The following LPAR6 variants were observed in gnomAD, a reference collection of about 807,000 sequenced individuals.
LPAR6 encodes G-protein coupled purinergic receptor P2Y5.
Under a neutral mutation model 22.0 loss-of-function variants are expected in LPAR6, and 17 were observed. The ratio of observed to expected loss-of-function variants is 0.77; its 90% confidence interval spans 0.53 to 1.16. The LOEUF is 1.16. LPAR6 is among the 50% of genes most tolerant of loss of function. The pLI is 0.00. For missense variants in LPAR6, 384 were observed against 406.9 expected, an observed-to-expected ratio of 0.94 and a Z score of 0.48; for synonymous variants, 136 against 139.8, an observed-to-expected ratio of 0.97 and a Z score of 0.19.
chr13:48,408,759 T>C (rs1225672852), downstream of LPAR6: 1 of 152,318 alleles, frequency 6.6e-6, no homozygotes, highest in Admixed American at 6.5e-5. Flanking sequence ...TTTTGATTCA[T>C]TTATCTTCCT....
At chr13:48,393,399 T>A (rs1948625354) in intron 1 of LPAR6, among the ~76,000 whole-genome samples, 1 of 152,208 alleles carries the variant, frequency 6.6e-6, no homozygotes, top group Non-Finnish European at 1.5e-5. Context: ...CCATAAACTG[T>A]CCCCAGGCAG....
At chr13:48,441,184 T>C (rs1274188223) in intron 1 of LPAR6, among the ~76,000 whole-genome samples, 1 of 152,226 alleles carries the variant, frequency 6.6e-6, no homozygotes, top group East Asian at 1.9e-4. Flanking sequence ...GAGGCCTGTT[T>C]CCTGGTTCAT....
At chr13:48,390,586 T>TA (rs919297248) in intron 1 of LPAR6, among the ~76,000 whole-genome samples, 32 of 151,508 alleles carry the variant, frequency 2.1e-4, no homozygotes, top group African/African-American at 5.8e-4. Flanking sequence ...CTGGCTCACT[T>TA]AAAAAAAAAC....
chr13:48,412,412 A>T lies in LPAR6; in HGVS notation c.12T>A (p.Val4=). ...CATTATAGAAGCAGTGGGAGCTGTT[A>T]ACGCTTACCATCGTAAAGGCACGTC... The part of the protein sequence containing the change: MVS[V]NSSHCFYNDS... Residue 4 remains valine, a synonymous_variant, in exon 1 of 1, where the codon GTT becomes GTA. Transcript: ENST00000620633. 1 of 1,613,486 alleles carries T rather than the reference A, an allele frequency of 6.2e-7. No individual in the cohort carries two copies. Among genetic ancestry groups the T allele is most frequent in the Non-Finnish European group, 8.5e-7 (1 of 1,179,400 alleles).
chr13:48,440,151 A>G (rs967543931), intron 1 of LPAR6, among the ~76,000 whole-genome samples: 3 of 152,154 alleles, frequency 2.0e-5, no homozygotes, highest in Non-Finnish European at 2.9e-5. Context: ...CCTGGCATGC[A>G]TGTTTAATAA....
chr13:48,435,301 C>T (rs1379394857), intron 1 of LPAR6, among the ~76,000 whole-genome samples: 2 of 152,116 alleles, frequency 1.3e-5, no homozygotes, highest in African/African-American at 4.8e-5. Context: ...ATTTGCATTT[C>T]CCATCAGGAT....
intron 1 of LPAR6, among the ~76,000 whole-genome samples, chr13:48,394,182 T>C (rs2138165623): frequency 6.6e-6 from 1 of 152,294 alleles, no homozygotes; most frequent in Non-Finnish European, 1.5e-5. Context: ...CAAGGGAAGC[T>C]GTGACAGACT....
chr13:48,429,234 A>G (rs546005412), upstream of LPAR6: 4 of 152,314 alleles, frequency 2.6e-5, no homozygotes, highest in South Asian at 2.1e-4. Flanking sequence ...TGTAGAAAAG[A>G]TATGAGGGGG....
intron 1 of LPAR6, among the ~76,000 whole-genome samples, chr13:48,443,696 G>T (rs937126371): frequency 1.3e-5 from 2 of 152,096 alleles, no homozygotes; most frequent in Non-Finnish European, 2.9e-5. Flanking sequence ...GGCACCAAGG[G>T]TACATTTCAT....
At chr13:48,424,645 T>C (rs1949054093) in intron 1 of LPAR6, among the ~76,000 whole-genome samples, 1 of 152,240 alleles carries the variant, frequency 6.6e-6, no homozygotes, top group Non-Finnish European at 1.5e-5. Context: ...TCTCCAACTC[T>C]TAGAATCATA....
chr13:48,417,720 C>G (rs1948937138), upstream of LPAR6, among the ~76,000 whole-genome samples: 1 of 152,032 alleles, frequency 6.6e-6, no homozygotes, highest in Non-Finnish European at 1.5e-5. Flanking sequence ...AAACACAGCA[C>G]AAGAACTTCG....
At position 48,411,712 on chromosome 13, in the gene LPAR6, A is replaced by C; in HGVS notation, c.712T>G (p.Phe238Val). 1 of 1,605,370 alleles carries C rather than the reference A, an allele frequency of 6.2e-7. No individual in the cohort carries two copies. The highest frequency in any genetic ancestry group is 8.5e-7 in the Non-Finnish European group (1 of 1,172,294). ...LKMIFVHLIIFCFCFVPYNIN... is the reference protein window; with the variant it reads ...LKMIFVHLIIVCFCFVPYNIN... ...TTGTAAGGAACAAAACAGAAACAGA[A>C]TATGATCAAATGTACAAAAATCATT... Residue 238 changes from phenylalanine to valine, a missense_variant, in exon 1 of 1, where the codon TTC becomes GTC. Physicochemically the swap from Phe to Val is conservative, Grantham distance 50. Coordinates refer to ENST00000620633, the MANE Select transcript of LPAR6 (RefSeq NM_001162498.3).
rs146017569 is a variant in LPAR6, at chr13:48,411,539, C to A, written c.885G>T (p.Ser295=). The change falls in exon 1 of 1, where the codon TCG becomes TCT. Residue 295 remains serine (S), a synonymous_variant. Transcript: ENST00000620633. ...TTTTTATTGAATTCTGAATTGTGTC[C>A]GATGTAAAGTAGTAAACTATAGGGT... The part of the protein sequence containing the change: ...CFDPIVYYFT[S]DTIQNSIKMK... 2.2e-5 allele frequency: 36 copies of A among 1,613,110 alleles called. No homozygotes were observed. In the African/African-American group the frequency reaches 4.5e-4, roughly 20 times the overall value.
downstream of LPAR6, among the ~76,000 whole-genome samples, chr13:48,410,626 G>C (rs933029095): frequency 6.6e-6 from 1 of 151,826 alleles, no homozygotes; most frequent in African/African-American, 2.4e-5. Context: ...TTATTTTTTT[G>C]CTAAGTAAAA....
chr13:48,430,769 A>C (rs57586909), upstream of LPAR6, among the ~76,000 whole-genome samples: 6,453 of 41,764 alleles, frequency 0.15, 368 homozygotes, highest in East Asian at 0.43. Flanking sequence ...AACAAACAAA[A>C]AAAAAAAACA....
chr13:48,438,206 C>T (rs1949202945), intron 1 of LPAR6, among the ~76,000 whole-genome samples: 1 of 152,162 alleles, frequency 6.6e-6, no homozygotes, highest in African/African-American at 2.4e-5. Context: ...GTCTCAAAGG[C>T]TTGTGTGCCA....
upstream of LPAR6, among the ~76,000 whole-genome samples, chr13:48,417,755 C>G (rs1322185399): frequency 6.6e-6 from 1 of 151,674 alleles, no homozygotes; most frequent in Non-Finnish European, 1.5e-5. Context: ...GTATCAACAG[C>G]CAAAGCAGAA....
upstream of LPAR6, among the ~76,000 whole-genome samples, chr13:48,413,906 T>C (rs1471141232): frequency 6.6e-6 from 1 of 152,132 alleles, no homozygotes; most frequent in Non-Finnish European, 1.5e-5. Context: ...TTGGCAAAAT[T>C]TTAGGTTCAT....
intron 1 of LPAR6, among the ~76,000 whole-genome samples, chr13:48,423,288 T>C (rs191633013): frequency 2.2e-3 from 338 of 152,306 alleles, no homozygotes; most frequent in Middle Eastern, 6.8e-3. Context: ...TGTTTTTGTG[T>C]TTTTGAGACG....
Sources: allele counts gnomAD v4.1 joint callset (sites outside exome capture counted in the v4.1 genomes callset), GRCh38; gene constraint gnomAD v4.1.1; transcripts MANE v1.5; gene names NCBI Gene and HGNC (gene_info 2026-07-23, HGNC 2026-07-21).